Variants in TRHDE observed in about 807,000 individuals in gnomAD.
TRHDE encodes the protein thyrotropin releasing hormone degrading enzyme.
TRHDE carries 72 observed loss-of-function variants against 125.7 expected under a neutral mutation model. The observed-to-expected ratio is 0.57, with a 90% confidence interval of 0.47 to 0.70. The LOEUF is 0.70. Ranked by LOEUF, TRHDE falls within the 30% of genes least tolerant of loss-of-function variation. The pLI, the probability that TRHDE is intolerant of heterozygous loss-of-function variation, is 0.00. For missense variants in TRHDE, 1,110 were observed against 1,327.1 expected (o/e 0.84, Z 2.54); for synonymous variants, 509 against 509.1 (o/e 1.00, Z 0.00).
intron 3 of TRHDE, among the ~76,000 whole-genome samples, chr12:72,410,432 A>G (rs1050205570): frequency 5.3e-5 from 8 of 152,092 alleles, no homozygotes; most frequent in African/African-American, 1.9e-4. Context: ...AGAACCTAAC[A>G]CAGCCATTAT....
chr12:72,224,158 GTATGTATGTATCTATC>G lies in TRHDE; in HGVS notation n.279+118410_279+118425del, dbSNP rs1252033886. On this transcript the variant is annotated intron_variant and non_coding_transcript_variant, in intron 2 of 4. Coordinates refer to the TRHDE transcript ENST00000548156. ...TCTATCTATTTATCTATGTATGTAT[GTATGTATGTATCTATC>G]TATCTATCTATCTATCTATCTATCT... Among the ~76,000 whole-genome samples, 71 of 24,684 alleles carry G rather than the reference GTATGTATGTATCTATC, an allele frequency of 2.9e-3. 1 individual carries two copies. Among genetic ancestry groups the G allele is most frequent in the South Asian group, 8.6e-3 (6 of 694 alleles). 16.2% of individuals were successfully genotyped at this position (24,684 alleles called of 152,430 possible). A position where few individuals can be genotyped will look rare whatever the true frequency, so the allele number is the denominator to read the frequency against.
intron 7 of TRHDE, among the ~76,000 whole-genome samples, chr12:72,543,837 G>T (rs111337082): frequency 1.9e-4 from 22 of 117,472 alleles, no homozygotes; most frequent in African/African-American, 6.6e-4. Flanking sequence ...TATTATGAAC[G>T]TTTTTGTTCA....
At chr12:72,099,232 T>C (rs541607918) in intron 1 of TRHDE, among the ~76,000 whole-genome samples, 2 of 152,182 alleles carry the variant, frequency 1.3e-5, no homozygotes, top group Non-Finnish European at 2.9e-5. Flanking sequence ...AAAATTCCAT[T>C]TGTATATATC....
intron 2 of TRHDE, among the ~76,000 whole-genome samples, chr12:72,325,769 C>T (rs1215406660): frequency 3.3e-5 from 5 of 152,038 alleles, no homozygotes; most frequent in Admixed American, 6.6e-5. Flanking sequence ...TTAGTGAAAT[C>T]GACAACACAG....
chr12:72,659,618 T>C (rs1874839619), intron 18 of TRHDE, among the ~76,000 whole-genome samples: 1 of 152,236 alleles, frequency 6.6e-6, no homozygotes, highest in African/African-American at 2.4e-5. Context: ...ATATCTAGGA[T>C]ACCCTGAAAT....
At chr12:72,474,547 T>A (rs1438764961) in intron 5 of TRHDE, among the ~76,000 whole-genome samples, 1 of 152,148 alleles carries the variant, frequency 6.6e-6, no homozygotes, top group Non-Finnish European at 1.5e-5. Flanking sequence ...TTTATCTCGC[T>A]TGGCATGAAG....
chr12:72,520,148 T>G (rs977109248), intron 6 of TRHDE, among the ~76,000 whole-genome samples: 3 of 152,334 alleles, frequency 2.0e-5, no homozygotes, highest in African/African-American at 4.8e-5. Flanking sequence ...GCAGGCCTCC[T>G]TGAGCTGTGG....
At chr12:72,613,541 C>G (rs1872704854) in intron 12 of TRHDE, among the ~76,000 whole-genome samples, 1 of 152,116 alleles carries the variant, frequency 6.6e-6, no homozygotes, top group Admixed American at 6.6e-5. Flanking sequence ...TATTGAGTGC[C>G]TATTTTGTGC....
chr12:72,156,410 A>G (rs1427246737), intron 2 of TRHDE, among the ~76,000 whole-genome samples: 1 of 152,026 alleles, frequency 6.6e-6, no homozygotes, highest in Non-Finnish European at 1.5e-5. Flanking sequence ...TCCTACACCC[A>G]CTGTCCGACA....
At chr12:72,643,333 C>A (rs1016260002) in intron 15 of TRHDE, among the ~76,000 whole-genome samples, 1 of 152,158 alleles carries the variant, frequency 6.6e-6, no homozygotes, top group Admixed American at 6.5e-5. Context: ...ATGTGTGTTT[C>A]ATTTTCATAG....
intron 2 of TRHDE, among the ~76,000 whole-genome samples, chr12:72,131,027 T>C (rs1875846909): frequency 6.6e-6 from 1 of 151,758 alleles, no homozygotes; most frequent in African/African-American, 2.4e-5. Flanking sequence ...ACGATGTCTG[T>C]TTCTATTGTT....
At chr12:72,467,062 C>T (rs1160968384) in intron 3 of TRHDE, among the ~76,000 whole-genome samples, 1 of 152,180 alleles carries the variant, frequency 6.6e-6, no homozygotes, top group Admixed American at 6.5e-5. Context: ...TTACCTGTTT[C>T]TGCCCGTTGA....
intron 15 of TRHDE, among the ~76,000 whole-genome samples, chr12:72,640,034 A>T (rs1173649320): frequency 6.6e-6 from 1 of 152,158 alleles, no homozygotes; most frequent in Non-Finnish European, 1.5e-5. Flanking sequence ...GGCTCCACCC[A>T]GTTCCAGCTT....
chr12:72,119,982 C>A (rs535054922), intron 2 of TRHDE, among the ~76,000 whole-genome samples: 145 of 151,950 alleles, frequency 9.5e-4, no homozygotes, highest in Non-Finnish European at 4.1e-4. Flanking sequence ...CATTCAGCCA[C>A]TCTATGTCTT....
At position 72,111,577 on chromosome 12, in the gene TRHDE, G is replaced by A. The variant is rs1053283759; in HGVS notation, n.279+5825G>A. ...AGAAATGACAACATTTTATTATAAA[G>A]CACTTTTAATTGAAGTAATTAGAAG... On this transcript the variant is annotated intron_variant and non_coding_transcript_variant, in intron 2 of 4. Transcript: ENST00000548156. 5.9e-5 allele frequency among the ~76,000 whole-genome samples: 9 copies of A among 152,252 alleles called. No homozygotes were observed. The East Asian group carries it at 1.7e-3, about 29-fold the overall frequency.
intron 2 of TRHDE, among the ~76,000 whole-genome samples, chr12:72,342,989 C>T (rs1870152124): frequency 6.6e-6 from 1 of 152,064 alleles, no homozygotes; most frequent in African/African-American, 2.4e-5. Context: ...CTGTTACTAC[C>T]TCCATCGTGT....
chr12:72,144,535 G>A (rs140269760), intron 2 of TRHDE, among the ~76,000 whole-genome samples: 7 of 152,308 alleles, frequency 4.6e-5, no homozygotes, highest in African/African-American at 1.7e-4. Flanking sequence ...TCTGGGCAGG[G>A]GAGGTGTCTC....
At chr12:72,350,802 GC>G (rs1229753360) in intron 2 of TRHDE, among the ~76,000 whole-genome samples, 1 of 151,928 alleles carries the variant, frequency 6.6e-6, no homozygotes, top group African/African-American at 2.4e-5. Flanking sequence ...GGAGGACATG[GC>G]AAAAACTCAT....
intron 2 of TRHDE, among the ~76,000 whole-genome samples, chr12:72,126,204 A>G (rs1875709513): frequency 6.6e-6 from 1 of 152,230 alleles, no homozygotes; most frequent in South Asian, 2.1e-4. Flanking sequence ...GCTGAAAGAA[A>G]TCATAAATGA....
Sources: gnomAD v4.1 joint callset for allele counts (sites outside exome capture counted in the v4.1 genomes callset) on GRCh38, gnomAD v4.1.1 for gene constraint, MANE v1.5 for transcripts, NCBI Gene and HGNC (gene_info 2026-07-23, HGNC 2026-07-21) for gene names.